The following SDK1 variants were observed in gnomAD, a reference collection of about 807,000 sequenced individuals.
The protein encoded by SDK1 is protein sidekick-1.
Under a neutral mutation model 245.5 loss-of-function variants are expected in SDK1, and 157 were observed. The observed-to-expected ratio is 0.64, with a 90% CI of 0.56 to 0.73. The LOEUF (loss-of-function observed/expected upper bound fraction) is 0.73, where lower values mean the gene tolerates loss of function less well. SDK1 is among the 30% of genes least tolerant of loss of function. SDK1 has a pLI of 0.00. For missense variants in SDK1, 3,583 were observed against 3,002.3 expected, an observed-to-expected ratio of 1.19 and a Z score of -4.52; for synonymous variants, 1,647 against 1,278.5, an observed-to-expected ratio of 1.29 and a Z score of -6.15.
chr7:3,985,620 C>G (rs1783765504), intron 13 of SDK1, among the ~76,000 whole-genome samples: 3 of 152,088 alleles, frequency 2.0e-5, no homozygotes, highest in African/African-American at 7.2e-5. Context: ...GAGGCCCTGT[C>G]TATACAAAAA....
chr7:3,955,876 G>A (rs1275498318), intron 7 of SDK1, among the ~76,000 whole-genome samples: 2 of 152,268 alleles, frequency 1.3e-5, no homozygotes, highest in Middle Eastern at 3.4e-3. Flanking sequence ...TGGTTTGGGG[G>A]CAGTCTGGGA....
chr7:3,670,127 T>A (rs1028234589), intron 4 of SDK1, among the ~76,000 whole-genome samples: 9 of 152,208 alleles, frequency 5.9e-5, no homozygotes, highest in Non-Finnish European at 1.2e-4. Context: ...CTACCTTGTT[T>A]CCCTATGTTT....
intron 1 of SDK1, among the ~76,000 whole-genome samples, chr7:3,498,933 T>C (rs1782107994): frequency 6.6e-6 from 1 of 152,172 alleles, no homozygotes. Context: ...TAAGCATCAA[T>C]TTGGGAATGA....
chr7:3,577,733 T>A (rs987919441), intron 1 of SDK1, among the ~76,000 whole-genome samples: 2 of 152,082 alleles, frequency 1.3e-5, no homozygotes, highest in Admixed American at 6.6e-5. Flanking sequence ...GAAGGCATTT[T>A]CTGTGTTAGT....
intron 1 of SDK1, among the ~76,000 whole-genome samples, chr7:3,566,192 T>C (rs1779910662): frequency 6.6e-6 from 1 of 152,102 alleles, no homozygotes; most frequent in African/African-American, 2.4e-5. Context: ...AGCATTTTTA[T>C]TGTATGTTTT....
chr7:4,162,492 C>T (rs753505133), intron 32 of SDK1, among the ~76,000 whole-genome samples: 17 of 151,752 alleles, frequency 1.1e-4, no homozygotes, highest in Non-Finnish European at 2.2e-4. Context: ...CTCTGCCTCC[C>T]GTGTTCAAGC....
intron 1 of SDK1, among the ~76,000 whole-genome samples, chr7:3,318,502 A>AT: frequency 6.6e-6 from 1 of 152,210 alleles, no homozygotes; most frequent in Non-Finnish European, 1.5e-5. Context: ...GTACTCATTA[A>AT]TTTATCAGAT....
At chr7:3,811,653 T>C (rs562550194) in intron 4 of SDK1, among the ~76,000 whole-genome samples, 1 of 152,262 alleles carries the variant, frequency 6.6e-6, no homozygotes, top group East Asian at 1.9e-4. Flanking sequence ...CTGGGAGTAG[T>C]CAGGGAGCCC....
At chr7:3,961,798 G>T (rs889754775) in intron 8 of SDK1, among the ~76,000 whole-genome samples, 1 of 152,082 alleles carries the variant, frequency 6.6e-6, no homozygotes, top group Non-Finnish European at 1.5e-5. Flanking sequence ...ACCAGGTGCC[G>T]GGCATGAGTT....
At chr7:4,159,843 C>T (rs1180109651) in intron 31 of SDK1, among the ~76,000 whole-genome samples, 7 of 152,232 alleles carry the variant, frequency 4.6e-5, no homozygotes, top group African/African-American at 1.4e-4. Context: ...TTCTAGATTA[C>T]TCATGAGAGC....
At chr7:3,929,439 A>G (rs555318879) in intron 5 of SDK1, among the ~76,000 whole-genome samples, 1 of 152,330 alleles carries the variant, frequency 6.6e-6, no homozygotes, top group South Asian at 2.1e-4. Flanking sequence ...CTGGAGATCC[A>G]ACAATCAGAA....
In SDK1 at chr7:3,723,879, CAT is replaced by C. The variant is rs573871877; in HGVS notation, c.713+81784_713+81785del. 2.8e-3 allele frequency among the ~76,000 whole-genome samples: 334 copies of C among 119,500 alleles called. 8 individuals are homozygous for C. Among genetic ancestry groups the C allele is most frequent in the Non-Finnish European group, 3.9e-3 (235 of 59,852 alleles). The allele number at this position is 119,500 out of a possible 152,430, so 78.4% of individuals were successfully genotyped here. ...ACATATACACGTGTATATACACGTACATATATATATACACGTGTATATACACG... is the reference window on the plus strand; with the variant it reads ...ACATATACACGTGTATATACACGTACATATATATACACGTGTATATACACG... On this transcript the variant is annotated intron_variant, in intron 4 of 44. Transcript: ENST00000404826.
chr7:4,054,810 A>G (rs1262960402), intron 19 of SDK1, among the ~76,000 whole-genome samples: 2 of 152,170 alleles, frequency 1.3e-5, no homozygotes, highest in Non-Finnish European at 2.9e-5. Flanking sequence ...TTTTGACATG[A>G]ATAAATCTTA....
Position 3,328,650 on chromosome 7 carries a change from T to G in SDK1, c.298+26766T>G, listed in dbSNP as rs577342726. Among the ~76,000 whole-genome samples, 145 of 152,246 alleles carry G rather than the reference T, an allele frequency of 9.5e-4. No individual in the cohort carries two copies. The Middle Eastern group carries it at 0.024, about 25-fold the overall frequency. ...GTATTTTTTTCATAAAATCTTTTTA[T>G]GTTAGTATATATTTCAAAAATTCAT... is the stretch of plus-strand genomic sequence containing the variant. On this transcript the variant is annotated intron_variant, in intron 1 of 44. Transcript: ENST00000404826.
intron 1 of SDK1, among the ~76,000 whole-genome samples, chr7:3,306,764 A>G (rs1319438785): frequency 6.6e-6 from 1 of 152,182 alleles, no homozygotes; most frequent in East Asian, 1.9e-4. Context: ...ATTGGAATAC[A>G]TAGGATTTGG....
chr7:3,386,460 CAT>C (rs1487173800), intron 1 of SDK1, among the ~76,000 whole-genome samples: 2 of 152,148 alleles, frequency 1.3e-5, no homozygotes, highest in Non-Finnish European at 2.9e-5. Flanking sequence ...AAAACACACT[CAT>C]ATTTTGTTTA....
At chr7:3,700,204 G>A (rs531280914) in intron 4 of SDK1, among the ~76,000 whole-genome samples, 1 of 152,254 alleles carries the variant, frequency 6.6e-6, no homozygotes. Flanking sequence ...AACAGGTAAA[G>A]GAAGCACTCC....
chr7:3,567,412 G>T (rs949008616), intron 1 of SDK1, among the ~76,000 whole-genome samples: 3 of 152,194 alleles, frequency 2.0e-5, no homozygotes, highest in Admixed American at 1.3e-4. Flanking sequence ...GAGTTGATTG[G>T]TATGGACTTT....
intron 25 of SDK1, among the ~76,000 whole-genome samples, chr7:4,117,433 A>C (rs998152059): frequency 1.3e-5 from 2 of 152,364 alleles, no homozygotes; most frequent in East Asian, 3.9e-4. Flanking sequence ...GCACCACTGC[A>C]TTCCAGCCTG....
Sources: gnomAD v4.1 joint callset for allele counts (sites outside exome capture counted in the v4.1 genomes callset) on GRCh38, gnomAD v4.1.1 for gene constraint, MANE v1.5 for transcripts, NCBI Gene and HGNC (gene_info 2026-07-23, HGNC 2026-07-21) for gene names.